The following THSD7B variants were observed in gnomAD, a reference collection of about 807,000 sequenced individuals.
The protein encoded by THSD7B is thrombospondin type 1 domain containing 7B, also known as thrombospondin type-1 domain-containing protein 7B.
Under a neutral mutation model 213.6 loss-of-function variants are expected in THSD7B, and 138 were observed. The ratio of observed to expected loss-of-function variants is 0.65; its 90% confidence interval spans 0.56 to 0.74. THSD7B has a LOEUF of 0.74. THSD7B is among the 30% of genes least tolerant of loss of function. The probability of loss-of-function intolerance (pLI) is 0.00; values close to 1 mark genes in which losing one functional copy is unlikely to be tolerated. For synonymous variants in THSD7B, 742 were observed against 687.0 expected (o/e 1.08, Z -1.25); for missense variants, 1,931 against 1,991.5 (o/e 0.97, Z 0.58).
chr2:137,452,613 C>A (rs147971144), intron 15 of THSD7B, among the ~76,000 whole-genome samples: 21 of 152,158 alleles, frequency 1.4e-4, no homozygotes, highest in Admixed American at 7.9e-4. Context: ...TTTATAACAC[C>A]AGTGTTAAAC....
At chr2:137,636,660 T>G (rs143280372) in intron 20 of THSD7B, among the ~76,000 whole-genome samples, 15 of 152,376 alleles carry the variant, frequency 9.8e-5, no homozygotes, top group Non-Finnish European at 2.2e-4. Context: ...CTAACATGAA[T>G]TGTCTTCAAG....
At chr2:136,882,350 T>C in intron 2 of THSD7B, 33 bp downstream of exon 2, 7 of 1,466,592 alleles carry the variant, frequency 4.8e-6, no homozygotes, top group Non-Finnish European at 6.3e-6. Flanking sequence ...TTTGTCCTAT[T>C]TTCATTAACA....
chr2:137,181,689 T>C (rs1209054410), intron 7 of THSD7B, among the ~76,000 whole-genome samples: 3 of 152,124 alleles, frequency 2.0e-5, no homozygotes, highest in Admixed American at 6.6e-5. Context: ...GACAATTTTG[T>C]ATTTTTCCTC....
intron 2 of THSD7B, among the ~76,000 whole-genome samples, chr2:136,938,512 G>T (rs1684768985): frequency 6.6e-6 from 1 of 151,758 alleles, no homozygotes; most frequent in South Asian, 2.1e-4. Context: ...ATTTCCCTAT[G>T]TACTGTGTAT....
At chr2:137,245,431 G>C (rs1031516564) in intron 10 of THSD7B, among the ~76,000 whole-genome samples, 6 of 152,070 alleles carry the variant, frequency 3.9e-5, no homozygotes, top group Non-Finnish European at 5.9e-5. Flanking sequence ...CATGAGGTTG[G>C]CACTCCATTC....
intron 2 of THSD7B, among the ~76,000 whole-genome samples, chr2:137,038,880 C>G (rs10195547): frequency 0.9 from 136,938 of 152,234 alleles, 62,004 homozygotes; most frequent in East Asian, 1. Context: ...GAGTCACCCA[C>G]CTAGAAAGTG....
chr2:137,012,239 T>G (rs1274832644), intron 2 of THSD7B, among the ~76,000 whole-genome samples: 1 of 152,234 alleles, frequency 6.6e-6, no homozygotes, highest in Non-Finnish European at 1.5e-5. Flanking sequence ...TTTTTAGAAC[T>G]AATTTTTCCA....
intron 11 of THSD7B, among the ~76,000 whole-genome samples, chr2:137,274,889 AT>A (rs1311064651): frequency 2.6e-5 from 4 of 151,880 alleles, no homozygotes; most frequent in East Asian, 1.9e-4. Context: ...CTGTTTCCTG[AT>A]TTTTTTTCCC....
At chr2:136,919,813 C>T (rs2105032993) in intron 2 of THSD7B, among the ~76,000 whole-genome samples, 1 of 152,284 alleles carries the variant, frequency 6.6e-6, no homozygotes, top group East Asian at 1.9e-4. Flanking sequence ...AGTGTGGGGT[C>T]CAGCCACTGT....
intron 1 of THSD7B, among the ~76,000 whole-genome samples, chr2:136,878,808 G>A (rs1305165631): frequency 2.6e-5 from 4 of 152,234 alleles, no homozygotes; most frequent in Middle Eastern, 6.8e-3. Context: ...TGTAGATTCT[G>A]GATATTAGCC....
At chr2:137,277,525 A>G (rs947737381) in intron 12 of THSD7B, among the ~76,000 whole-genome samples, 1 of 152,112 alleles carries the variant, frequency 6.6e-6, no homozygotes. Flanking sequence ...CATAAAGGAA[A>G]ATACAGAACA....
At chr2:136,954,714 C>CAAAAAAAAAAAAAAAAAAAAAAAAAAA (rs11378111) in intron 2 of THSD7B, among the ~76,000 whole-genome samples, 14 of 89,424 alleles carry the variant, frequency 1.6e-4, no homozygotes, top group African/African-American at 7.3e-4. Context: ...GACTCTGTCT[C>CAAAAAAAAAAAAAAAAAAAAAAAAAAA]AAAAAAAAAA....
chr2:137,049,175 G>A (rs562929240), intron 2 of THSD7B, among the ~76,000 whole-genome samples: 25 of 152,322 alleles, frequency 1.6e-4, no homozygotes, highest in African/African-American at 4.6e-4. Flanking sequence ...GCCATCGCTC[G>A]AACCAGGGCA....
intron 2 of THSD7B, among the ~76,000 whole-genome samples, chr2:136,905,500 C>A (rs1684144314): frequency 6.6e-6 from 1 of 152,192 alleles, no homozygotes; most frequent in African/African-American, 2.4e-5. Flanking sequence ...ATACTAAATA[C>A]TATGCTAAGT....
intron 6 of THSD7B, among the ~76,000 whole-genome samples, chr2:137,165,238 C>A (rs973578557): frequency 1.1e-4 from 16 of 152,106 alleles, no homozygotes; most frequent in African/African-American, 3.9e-4. Context: ...GGATGGTAAG[C>A]CCTGATGATT....
At chr2:137,344,517 A>G (rs1684832055) in intron 12 of THSD7B, among the ~76,000 whole-genome samples, 1 of 151,688 alleles carries the variant, frequency 6.6e-6, no homozygotes, top group Non-Finnish European at 1.5e-5. Context: ...GTGACAAAAA[A>G]AGATGCTGCT....
chr2:136,781,444 T>TA (rs1489059066), intron 1 of THSD7B, among the ~76,000 whole-genome samples: 1 of 139,514 alleles, frequency 7.2e-6, no homozygotes, highest in Admixed American at 7.5e-5. Context: ...TTTTTTTTTT[T>TA]AAATTTTTTT....
Position 137,526,643 on chromosome 2 carries a change from C to T in THSD7B, c.3139-36578C>T, listed in dbSNP as rs369372384. ...TTTGCCATGTTGGCCAGGCTGGTCT[C>T]GAAATCCTGACCTCAGGTGATCCAT... On this transcript the variant is annotated intron_variant, in intron 15 of 27. Transcript: ENST00000409968. Among the ~76,000 whole-genome samples, 19 of 152,174 alleles carry T rather than the reference C, an allele frequency of 1.2e-4. No homozygotes were observed. In the East Asian group the frequency reaches 1.9e-3, roughly 16 times the overall value.
chr2:137,455,572 T>C (rs1423684821), intron 15 of THSD7B, among the ~76,000 whole-genome samples: 2 of 152,198 alleles, frequency 1.3e-5, no homozygotes, highest in Non-Finnish European at 2.9e-5. Context: ...ATGATAGCTC[T>C]TTCTCTAAAA....
Sources: gnomAD v4.1 joint callset for allele counts (sites outside exome capture counted in the v4.1 genomes callset) on GRCh38, gnomAD v4.1.1 for gene constraint, MANE v1.5 for transcripts, NCBI Gene and HGNC (gene_info 2026-07-23, HGNC 2026-07-21) for gene names.